The following KHDRBS2 variants were observed in gnomAD, a reference collection of about 807,000 sequenced individuals.
The protein encoded by KHDRBS2 is KH domain-containing, RNA-binding, signal transduction-associated protein 2.
Under a neutral mutation model 44.3 loss-of-function variants are expected in KHDRBS2, and 26 were observed. That is an observed-to-expected ratio of 0.59 (90% CI 0.43 to 0.81). The LOEUF (loss-of-function observed/expected upper bound fraction) is 0.81. KHDRBS2 is among the 40% of genes least tolerant of loss of function. The probability of loss-of-function intolerance (pLI) is 0.00; values close to 1 mark genes in which losing one functional copy is unlikely to be tolerated. For missense variants in KHDRBS2, 476 were observed against 433.1 expected (o/e 1.10, Z -0.88); for synonymous variants, 194 against 151.1 (o/e 1.28, Z -2.08).
intron 2 of KHDRBS2, among the ~76,000 whole-genome samples, chr6:62,163,101 C>A (rs967027814): frequency 2.6e-5 from 4 of 151,930 alleles, no homozygotes; most frequent in African/African-American, 9.7e-5. Flanking sequence ...CATAGATAAT[C>A]CCTAGGGAAC....
chr6:61,796,750 G>A (rs1175837477), intron 6 of KHDRBS2, among the ~76,000 whole-genome samples: 1 of 152,000 alleles, frequency 6.6e-6, no homozygotes, highest in African/African-American at 2.4e-5. Flanking sequence ...TCTGAAAGGG[G>A]CTATATACTT....
intron 6 of KHDRBS2, among the ~76,000 whole-genome samples, chr6:61,739,645 C>T (rs1421967349): frequency 6.6e-6 from 1 of 151,860 alleles, no homozygotes; most frequent in Non-Finnish European, 1.5e-5. Context: ...TTCTCCATAG[C>T]TTTCTTACAT....
intron 3 of KHDRBS2, among the ~76,000 whole-genome samples, chr6:61,987,877 T>C (rs2127241658): frequency 6.6e-6 from 1 of 152,282 alleles, no homozygotes; most frequent in East Asian, 1.9e-4. Flanking sequence ...TCTTCCAGGA[T>C]CAGGCCATCC....
At chr6:62,251,760 T>C (rs1168683106) in intron 1 of KHDRBS2, among the ~76,000 whole-genome samples, 1 of 151,914 alleles carries the variant, frequency 6.6e-6, no homozygotes, top group Non-Finnish European at 1.5e-5. Flanking sequence ...AATCACACAA[T>C]ATGGAAATAA....
chr6:62,255,966 T>C (rs1180599668), intron 1 of KHDRBS2, among the ~76,000 whole-genome samples: 2 of 151,308 alleles, frequency 1.3e-5, no homozygotes, highest in Non-Finnish European at 2.9e-5. Context: ...ACCCTGTCTT[T>C]ACTAAAAAAA....
rs533949311 is a variant in KHDRBS2 at position 62,254,456 on chromosome 6, G to A, written c.91+31402C>T. Reference sequence around the variant, plus strand: ...ATGATTATGAGACAGAGGGGAGTGAGGAGGTTACTTGATTTATACCATCCA... The same window carrying A: ...ATGATTATGAGACAGAGGGGAGTGAAGAGGTTACTTGATTTATACCATCCA... On this transcript the variant is annotated intron_variant, in intron 1 of 8. Transcript: ENST00000281156. Among the ~76,000 whole-genome samples the A allele has an allele frequency of 5.9e-5, 9 of 152,162 alleles. 1 individual carries two copies. In the South Asian group the frequency reaches 1.9e-3, roughly 32 times the overall value.
intron 7 of KHDRBS2, among the ~76,000 whole-genome samples, chr6:61,712,437 G>A (rs1002671263): frequency 2.6e-5 from 4 of 151,838 alleles, no homozygotes; most frequent in Non-Finnish European, 5.9e-5. Flanking sequence ...AGAGACCAAT[G>A]TATGCAAATG....
the KHDRBS2 span, among the ~76,000 whole-genome samples, chr6:61,644,147 G>C: frequency 6.6e-6 from 1 of 151,942 alleles, no homozygotes; most frequent in Non-Finnish European, 1.5e-5. Context: ...CAGAAATAAG[G>C]CCACACACCT....
chr6:61,555,210 TA>T, the KHDRBS2 span, among the ~76,000 whole-genome samples: 4 of 152,024 alleles, frequency 2.6e-5, no homozygotes, highest in Admixed American at 6.6e-5. Context: ...TCAACTTTAT[TA>T]TTTTTTTTCT....
At chr6:61,861,998 G>T (rs1797054773) in intron 6 of KHDRBS2, among the ~76,000 whole-genome samples, 1 of 152,048 alleles carries the variant, frequency 6.6e-6, no homozygotes, top group Non-Finnish European at 1.5e-5. Flanking sequence ...GTTCATTAAT[G>T]ATTTGGTTCC....
At chr6:62,134,551 G>C (rs1238418994) in intron 2 of KHDRBS2, among the ~76,000 whole-genome samples, 1 of 152,126 alleles carries the variant, frequency 6.6e-6, no homozygotes, top group African/African-American at 2.4e-5. Context: ...TGTGAGAAGA[G>C]GGCCACCGTC....
At chr6:61,854,359 T>C (rs1433005079) in intron 6 of KHDRBS2, among the ~76,000 whole-genome samples, 2 of 152,164 alleles carry the variant, frequency 1.3e-5, no homozygotes, top group Admixed American at 1.3e-4. Context: ...AAAATTTTTA[T>C]ATATTCAGTT....
chr6:61,919,353 T>G (rs573504585), intron 4 of KHDRBS2, among the ~76,000 whole-genome samples: 4 of 152,016 alleles, frequency 2.6e-5, no homozygotes, highest in African/African-American at 7.2e-5. Context: ...GCTAAGGGCA[T>G]GAGAAAAATG....
intron 6 of KHDRBS2, among the ~76,000 whole-genome samples, chr6:61,827,455 T>A (rs994582451): frequency 5.9e-5 from 9 of 152,204 alleles, no homozygotes; most frequent in African/African-American, 2.2e-4. Context: ...ATTTTCTATA[T>A]TGAAAATGCT....
chr6:61,662,277 C>A, the KHDRBS2 span, among the ~76,000 whole-genome samples: 1 of 152,052 alleles, frequency 6.6e-6, no homozygotes, highest in Non-Finnish European at 1.5e-5. Context: ...ACATGTTAGA[C>A]CTAAAACCAT....
At chr6:62,150,349 C>T (rs370902378) in intron 2 of KHDRBS2, among the ~76,000 whole-genome samples, 17 of 151,158 alleles carry the variant, frequency 1.1e-4, no homozygotes, top group African/African-American at 3.9e-4. Flanking sequence ...GTCTTGCTTA[C>T]CATGTTCAAA....
the KHDRBS2 span, among the ~76,000 whole-genome samples, chr6:61,560,199 T>C: frequency 6.6e-6 from 1 of 152,210 alleles, no homozygotes; most frequent in African/African-American, 2.4e-5. Context: ...TTATATGTTA[T>C]TTGTTTTTTT....
chr6:61,917,406 A>T (rs1583498097), intron 4 of KHDRBS2, among the ~76,000 whole-genome samples: 1 of 151,964 alleles, frequency 6.6e-6, no homozygotes, highest in East Asian at 1.9e-4. Context: ...AAGGTCACAT[A>T]CTATATGATT....
intron 4 of KHDRBS2, among the ~76,000 whole-genome samples, chr6:61,971,783 A>G (rs1771478306): frequency 1.3e-5 from 2 of 152,002 alleles, no homozygotes; most frequent in African/African-American, 4.8e-5. Flanking sequence ...TTCCTGCTCT[A>G]TTGTTGCCAC....
Sources: allele counts gnomAD v4.1 joint callset (sites outside exome capture counted in the v4.1 genomes callset), GRCh38; gene constraint gnomAD v4.1.1; transcripts MANE v1.5; gene names NCBI Gene and HGNC (gene_info 2026-07-23, HGNC 2026-07-21).